The following ATN1 variants were observed in gnomAD, a reference collection of about 807,000 sequenced individuals.
ATN1 encodes atrophin 1, also known as atrophin-1.
In ATN1, 19 loss-of-function variants were observed where a neutral mutation model predicts 85.8. That is an observed-to-expected ratio of 0.22 (90% CI 0.15 to 0.32). The LOEUF (loss-of-function observed/expected upper bound fraction) is 0.32. Among genes scored for constraint, ATN1 ranks in the 10% least tolerant of loss-of-function variants. The probability of loss-of-function intolerance (pLI) is 1.00; values close to 1 mark genes in which losing one functional copy is unlikely to be tolerated. For missense variants in ATN1, 1,453 were observed against 1,564.5 expected (o/e 0.93, Z 1.20); for synonymous variants, 674 against 657.0 (o/e 1.03, Z -0.39).
intron 7 of ATN1, among the ~76,000 whole-genome samples, chr12:6,940,410 C>T (rs11064471): frequency 0.018 from 2,678 of 152,282 alleles, 41 homozygotes; most frequent in Non-Finnish European, 0.022. Flanking sequence ...GGACTATAGG[C>T]GTGTGCCACC....
In ATN1 at chr12:6,938,760, A is replaced by G; in HGVS notation, c.2797A>G (p.Arg933Gly). ...LYSSDPAARE[R>G]EREARERDLR... ...CAGCAGTGATCCAGCTGCCCGGGAG[A>G]GGGAACGGGAAGCCCGTGAACGAGA... The change falls in exon 7 of 10, where the codon AGG (arginine) becomes GGG (glycine). Residue 933 changes from arginine to glycine, a missense_variant. Around this residue, in one of 6 missense-constraint regions of ATN1, gnomAD observed 208 missense variants for 263.4 expected, o/e 0.79. Coordinates refer to ENST00000396684, the MANE Select transcript of ATN1 (RefSeq NM_001940.4). 6.2e-7 allele frequency: 1 copy of G among 1,613,966 alleles called. No homozygotes were observed. The highest frequency in any genetic ancestry group is 8.5e-7 in the Non-Finnish European group (1 of 1,180,012).
chr12:6,929,018 G>A (rs1945431592), intron 1 of ATN1, among the ~76,000 whole-genome samples: 1 of 152,138 alleles, frequency 6.6e-6, no homozygotes, highest in Admixed American at 6.5e-5. Context: ...AAGAGGGAAG[G>A]CCATGTCTTT....
Position 6,937,788 on chromosome 12 carries a change from C to T in ATN1, c.2295-57C>T. 6.7e-7 allele frequency: 1 copy of T among 1,486,654 alleles called. No homozygotes were observed. Among genetic ancestry groups the T allele is most frequent in the East Asian group, 2.5e-5 (1 of 40,158 alleles). 92.1% of individuals were successfully genotyped at this position (1,486,654 alleles called of 1,614,324 possible). ...AGCACTCGCCGGGGCCGCGGCGCTG[C>T]GGGCTCCATCGGGCAGCTCGCACCG... On this transcript the variant is annotated intron_variant, in intron 5 of 9. Transcript: ENST00000396684. This position sits in a 1 kb window ranked among gnomAD's most constrained non-coding sequence, Gnocchi z 6.0.
chr12:6,927,838 C>G (rs1409793392), upstream of ATN1, among the ~76,000 whole-genome samples: 7 of 151,746 alleles, frequency 4.6e-5, no homozygotes, highest in African/African-American at 1.7e-4. Context: ...CCGCCCAGCC[C>G]GTCCGCAGCC....
rs1555143681 is a variant in ATN1 at position 6,936,472 on chromosome 12, C to T, written c.1205C>T (p.Ser402Phe). 1 of 1,602,266 alleles carries T rather than the reference C, an allele frequency of 6.2e-7. No individual in the cohort carries two copies. Residue 402 changes from serine (S) to phenylalanine (F), a missense_variant, in exon 5 of 10, where the codon TCC becomes TTC. Coordinates refer to ENST00000396684, the MANE Select transcript of ATN1 (RefSeq NM_001940.4). ...TCCTCTGCCTCCCCCTTCCCAGCTT[C>T]CCAGGCATTGCCCAGCTACCCCCAC... is the stretch of plus-strand genomic sequence containing the variant. Reference protein sequence around the residue: ...SSSSASPFPASQALPSYPHSF... With the variant: ...SSSSASPFPAFQALPSYPHSF...
intron 1 of ATN1, among the ~76,000 whole-genome samples, chr12:6,933,228 T>C (rs1945488545): frequency 1.3e-5 from 2 of 152,118 alleles, no homozygotes; most frequent in South Asian, 4.1e-4. Flanking sequence ...TTTCTTTTTT[T>C]TTTTTTGAGA....
chr12:6,926,401 C>T (rs1555142586), upstream of ATN1, among the ~76,000 whole-genome samples: 1 of 152,056 alleles, frequency 6.6e-6, no homozygotes, highest in East Asian at 1.9e-4. Context: ...CCTATCTACC[C>T]ATGAGCTTGC....
chr12:6,941,079 ATT>A lies in ATN1; in HGVS notation c.3358+58_3358+59del. On this transcript the variant is annotated intron_variant, in intron 8 of 9. Transcript: ENST00000396684. The surrounding 1 kb of genome is among the most constrained non-coding windows in gnomAD (Gnocchi z 5.9). The stretch of plus-strand genomic sequence containing the variant: ...AATGAGAAAAGGGCAGAAAGGAGGT[ATT>A]TGGGTGGGGGGATGGGCCTAGTTGG... The A allele has an allele frequency of 1.4e-5, 20 of 1,461,876 alleles. No homozygotes were observed. Among genetic ancestry groups the A allele is most frequent in the Non-Finnish European group, 1.9e-5 (20 of 1,049,330 alleles). 90.6% of individuals were successfully genotyped at this position (1,461,876 alleles called of 1,614,324 possible).
chr12:6,931,482 G>A (rs782181229), intron 1 of ATN1, among the ~76,000 whole-genome samples: 26 of 150,598 alleles, frequency 1.7e-4, no homozygotes, highest in African/African-American at 5.6e-4. Context: ...AGGAGGCTGA[G>A]GCAGGTGGAT....
chr12:6,939,044 C>G lies in ATN1; in HGVS notation c.3081C>G (p.His1027Gln). 1 of 1,608,032 alleles carries G rather than the reference C, an allele frequency of 6.2e-7. No homozygotes were observed. Among genetic ancestry groups the G allele is most frequent in the Non-Finnish European group, 8.5e-7 (1 of 1,180,008 alleles). The part of the protein sequence containing the change: ...YAERLAAERQ[H>Q]AERVAALGND... ...AGCGGCTGGCAGCTGAGAGGCAGCA[C>G]GCAGAAAGGGTGGCGGCCCTGGGCA... The change falls in exon 7 of 10, where the codon CAC (histidine) becomes CAG (glutamine). Residue 1027 changes from histidine (H) to glutamine (Q), a missense_variant. Transcript: ENST00000396684.
At position 6,938,046 on chromosome 12, in the gene ATN1, G is replaced by A. The variant is rs1591665643; in HGVS notation, c.2496G>A (p.Glu832=). ...EREKEREREK[E]RELERSVKLA... is the part of the protein sequence containing the mutation. ...AGAAAGAGCGCGAGCGCGAGAAGGA[G>A]CGCGAGCTTGAACGCAGCGTGGTGA... The change falls in exon 6 of 10, where the codon GAG becomes GAA. Residue 832 remains glutamate (E), a synonymous_variant. Transcript: ENST00000396684. 1.9e-6 allele frequency: 3 copies of A among 1,546,090 alleles called. No individual in the cohort carries two copies. The highest frequency in any genetic ancestry group is 2.6e-6 in the Non-Finnish European group (3 of 1,146,224).
At position 6,942,198 on chromosome 12, in the gene ATN1, A is replaced by G. The variant is rs1945646877; in HGVS notation, c.*418A>G. On this transcript the variant is annotated 3_prime_UTR_variant, in exon 10 of 10. Transcript: ENST00000396684. Reference sequence around the variant, plus strand: ...TCCCTGTGTGCGCGCCCCCTCTGCAATGTATGCCCCTTGCCCCTTCCCCAC... The same window carrying G: ...TCCCTGTGTGCGCGCCCCCTCTGCAGTGTATGCCCCTTGCCCCTTCCCCAC... The G allele has an allele frequency of 5.1e-6, 1 of 196,506 alleles. No individual in the cohort carries two copies. The highest frequency in any genetic ancestry group is 2.3e-5 in the African/African-American group (1 of 43,028). The allele number at this position is 196,506 out of a possible 1,614,324, so 12.2% of individuals were successfully genotyped here. A position where few individuals can be genotyped will look rare whatever the true frequency, so the allele number is the denominator to read the frequency against.
chr12:6,936,445 C>T lies in ATN1; in HGVS notation c.1178C>T (p.Ser393Phe). The change falls in exon 5 of 10, where the codon TCT becomes TTT. Residue 393 changes from serine to phenylalanine, a missense_variant. Transcript: ENST00000396684. ...GCCTCCTCTTCCAGTTCTTCCTCCT[C>T]TTCCTCTGCCTCCCCCTTCCCAGCT... Reference protein sequence around the residue: ...AAASSSSSSSSSSASPFPASQ... With the variant: ...AAASSSSSSSFSSASPFPASQ... The T allele has an allele frequency of 1.2e-6, 2 of 1,610,898 alleles. No individual in the cohort carries two copies. The highest frequency in any genetic ancestry group is 1.7e-6 in the Non-Finnish European group (2 of 1,179,308).
At position 6,941,407 on chromosome 12, in the gene ATN1, C is replaced by T; in HGVS notation, c.3392C>T (p.Ser1131Phe). ...TACCGGGACCTGCCGGCCTCCCTTT[C>T]TGCCCCGATGTCAGCAGCTCATCAG... Reference protein sequence around the residue: ...APYRDLPASLSAPMSAAHQLQ... With the variant: ...APYRDLPASLFAPMSAAHQLQ... Residue 1131 changes from serine to phenylalanine, a missense_variant, in exon 9 of 10, where the codon TCT becomes TTT. By Grantham distance (155) the Ser-to-Phe change is radical. Transcript: ENST00000396684. This position sits in a 1 kb window ranked among gnomAD's most constrained non-coding sequence, Gnocchi z 5.9. 1 of 1,605,876 alleles carries T rather than the reference C, an allele frequency of 6.2e-7. No individual in the cohort carries two copies. The highest frequency in any genetic ancestry group is 8.5e-7 in the Non-Finnish European group (1 of 1,175,444).
At position 6,938,519 on chromosome 12, in the gene ATN1, A is replaced by G. The variant is rs782089741; in HGVS notation, c.2556A>G (p.Pro852=). 4 of 1,612,550 alleles carry G rather than the reference A, an allele frequency of 2.5e-6. No individual in the cohort carries two copies. The East Asian group carries it at 6.7e-5, about 27-fold the overall frequency. The change falls in exon 7 of 10, where the codon CCA becomes CCG. Residue 852 remains proline, a synonymous_variant. Transcript: ENST00000396684. The stretch of plus-strand genomic sequence containing the variant: ...AGGGCCGTGCTCCGGTGGAATGCCC[A>G]TCTCTGGGCCCAGTGCCCCATCGCC... The part of the protein sequence containing the change: ...AQEGRAPVEC[P]SLGPVPHRPP...
At chr12:6,927,931 C>T (rs1945415176), upstream of ATN1, among the ~76,000 whole-genome samples, 1 of 150,464 alleles carries the variant, frequency 6.6e-6, no homozygotes, top group South Asian at 2.1e-4. Flanking sequence ...GAGAGGGAGC[C>T]GACTGCCGGG....
At position 6,937,585 on chromosome 12, in the gene ATN1, G is replaced by A. The variant is rs1352343424; in HGVS notation, c.2294+24G>A. ...AGGTGAGCGGCCAGGTGGGGCGGAGGTGGGCCTGGAAAGGGGACGACGACA... is the reference window on the plus strand; with the variant it reads ...AGGTGAGCGGCCAGGTGGGGCGGAGATGGGCCTGGAAAGGGGACGACGACA... On this transcript the variant is annotated intron_variant, in intron 5 of 9. Transcript: ENST00000396684. This position sits in a 1 kb window ranked among gnomAD's most constrained non-coding sequence, Gnocchi z 6.0. 1.4e-6 allele frequency: 2 copies of A among 1,472,188 alleles called. No homozygotes were observed. Among genetic ancestry groups the A allele is most frequent in the Non-Finnish European group, 1.8e-6 (2 of 1,113,236 alleles). The allele number at this position is 1,472,188 out of a possible 1,614,324, so 91.2% of individuals were successfully genotyped here.
Position 6,936,373 on chromosome 12 carries a change from C to T in ATN1, c.1106C>T (p.Pro369Leu). 6.2e-7 allele frequency: 1 copy of T among 1,613,914 alleles called. No homozygotes were observed. The highest frequency in any genetic ancestry group is 1.1e-5 in the South Asian group (1 of 91,082). Residue 369 changes from proline to leucine, a missense_variant, in exon 5 of 10, where the codon CCC (proline) becomes CTC (leucine). By Grantham distance (98) the Pro-to-Leu change is moderately conservative (BLOSUM62 -3). This residue lies in a region of ATN1 where 990 missense variants were observed against 914.8 expected (regional missense o/e 1.08). Transcript: ENST00000396684. ...LPPASSSAPA[P>L]PMRFPYSSSS... ...CCTGCTTCCTCTTCTGCTCCAGCGC[C>T]CCCCATGAGGTTTCCTTATTCATCC...
chr12:6,936,725 G>GCAA lies in ATN1; in HGVS notation c.1461_1463dup (p.Gln502dup), dbSNP rs199920334. On this transcript the variant is annotated inframe_insertion, in exon 5 of 10. Transcript: ENST00000396684. ...CACATCACCATCACCACCAGCAACA[G>GCAA]CAACAGCAGCAGCAGCAGCAGCAGC... The GCAA allele has an allele frequency of 3.2e-5, 51 of 1,569,576 alleles. No individual in the cohort carries two copies. Among genetic ancestry groups the GCAA allele is most frequent in the South Asian group, 6.7e-5 (6 of 89,564 alleles).
Sources: gnomAD v4.1 joint callset for allele counts (sites outside exome capture counted in the v4.1 genomes callset) on GRCh38, gnomAD v4.1.1 for gene constraint, gnomAD v4.1.1 regional missense constraint, Gnocchi (gnomAD v3.1) non-coding constraint, MANE v1.5 for transcripts, NCBI Gene and HGNC (gene_info 2026-07-23, HGNC 2026-07-21) for gene names.